Variants in ADAMTSL3 observed in about 807,000 individuals in gnomAD.
ADAMTSL3 encodes ADAMTS like 3, also known as ADAMTS-like protein 3.
ADAMTSL3 carries 128 observed loss-of-function variants against 201.7 expected under a neutral mutation model. The ratio of observed to expected loss-of-function variants is 0.63; its 90% CI spans 0.55 to 0.73. The LOEUF (loss-of-function observed/expected upper bound fraction) is 0.73, where lower values mean the gene tolerates loss of function less well. ADAMTSL3 is among the 30% of genes least tolerant of loss of function. The pLI, the probability that ADAMTSL3 is intolerant of heterozygous loss-of-function variation, is 0.00. For missense variants in ADAMTSL3, 1,990 were observed against 2,119.6 expected (o/e 0.94, Z 1.20); for synonymous variants, 738 against 748.4 (o/e 0.99, Z 0.23).
chr15:83,822,298 G>A (rs1157534989), intron 6 of ADAMTSL3, among the ~76,000 whole-genome samples: 2 of 147,672 alleles, frequency 1.4e-5, no homozygotes, highest in East Asian at 2.1e-4. Flanking sequence ...GCCGGGCGGA[G>A]GGGCTCCTCA....
intron 3 of ADAMTSL3, among the ~76,000 whole-genome samples, chr15:83,741,100 G>A (rs892349733): frequency 1.3e-5 from 2 of 151,848 alleles, no homozygotes; most frequent in African/African-American, 4.8e-5. Context: ...GTATAATACA[G>A]ATACTGAAAC....
At chr15:83,915,583 T>C (rs1183916174) in intron 16 of ADAMTSL3, among the ~76,000 whole-genome samples, 1 of 152,160 alleles carries the variant, frequency 6.6e-6, no homozygotes, top group Non-Finnish European at 1.5e-5. Context: ...ATGTAGTGGT[T>C]TCTAGTTACA....
At chr15:83,921,455 A>G (rs945639010) in intron 16 of ADAMTSL3, among the ~76,000 whole-genome samples, 2 of 152,174 alleles carry the variant, frequency 1.3e-5, no homozygotes, top group African/African-American at 4.8e-5. Flanking sequence ...ATTGGCACAT[A>G]AAAGGCTCTG....
intron 4 of ADAMTSL3, among the ~76,000 whole-genome samples, chr15:83,801,653 T>TAAATAAATAA (rs1555445600): frequency 8.8e-5 from 3 of 34,006 alleles, no homozygotes; most frequent in African/African-American, 2.5e-4. Flanking sequence ...TAAATATAAA[T>TAAATAAATAA]ATATATATAT....
rs752073105 is a variant in ADAMTSL3 at position 83,877,788 on chromosome 15, A to G, written c.960+6829A>G. The stretch of plus-strand genomic sequence containing the variant: ...CAATAATGTTCATAATTTTTACTCT[A>G]TGTCATTAATATCTTTTATTACATT... On this transcript the variant is annotated intron_variant, in intron 9 of 29. Coordinates refer to ENST00000286744, the MANE Select transcript of ADAMTSL3 (RefSeq NM_207517.3). Among the ~76,000 whole-genome samples, 4 of 152,172 alleles carry G rather than the reference A, an allele frequency of 2.6e-5. No homozygotes were observed. The South Asian group carries it at 8.3e-4, about 32-fold the overall frequency.
intron 2 of ADAMTSL3, among the ~76,000 whole-genome samples, chr15:83,695,585 T>A (rs567068027): frequency 1.3e-5 from 2 of 152,184 alleles, no homozygotes; most frequent in South Asian, 2.1e-4. Context: ...TTGGCTGAGG[T>A]GTATCCAGAC....
chr15:83,746,568 A>C (rs919311045), intron 3 of ADAMTSL3, among the ~76,000 whole-genome samples: 1 of 152,152 alleles, frequency 6.6e-6, no homozygotes, highest in Non-Finnish European at 1.5e-5. Context: ...ACTGCGGTCT[A>C]TTGCTCATGT....
intron 8 of ADAMTSL3, among the ~76,000 whole-genome samples, chr15:83,864,854 T>A (rs530536105): frequency 6.6e-6 from 1 of 152,304 alleles, no homozygotes; most frequent in African/African-American, 2.4e-5. Flanking sequence ...TGATTGTATA[T>A]CTAGAAAACC....
intron 13 of ADAMTSL3, among the ~76,000 whole-genome samples, chr15:83,896,391 A>T (rs563726554): frequency 6.6e-6 from 1 of 152,306 alleles, no homozygotes; most frequent in Non-Finnish European, 1.5e-5. Context: ...ATTGAAGAGA[A>T]TGTTTATTTA....
intron 2 of ADAMTSL3, among the ~76,000 whole-genome samples, chr15:83,681,221 A>G (rs1477666340): frequency 6.6e-6 from 1 of 152,214 alleles, no homozygotes; most frequent in African/African-American, 2.4e-5. Flanking sequence ...TTACATATCT[A>G]TCACATTTCT....
At chr15:83,829,150 T>A (rs999687914) in intron 6 of ADAMTSL3, among the ~76,000 whole-genome samples, 9 of 152,246 alleles carry the variant, frequency 5.9e-5, no homozygotes, top group African/African-American at 9.6e-5. Flanking sequence ...TGAATCCATC[T>A]GGTCCTGGAC....
intron 2 of ADAMTSL3, among the ~76,000 whole-genome samples, chr15:83,692,949 T>C (rs2141462094): frequency 6.6e-6 from 1 of 152,264 alleles, no homozygotes; most frequent in Non-Finnish European, 1.5e-5. Flanking sequence ...GAAATAAAGC[T>C]GTAGGGGTGA....
intron 2 of ADAMTSL3, among the ~76,000 whole-genome samples, chr15:83,657,343 C>T (rs977355210): frequency 6.6e-6 from 1 of 152,168 alleles, no homozygotes; most frequent in Non-Finnish European, 1.5e-5. Context: ...TGGATTTTTC[C>T]ATATCTGTGT....
chr15:83,724,964 C>A (rs998066495), intron 3 of ADAMTSL3, among the ~76,000 whole-genome samples: 1 of 151,888 alleles, frequency 6.6e-6, no homozygotes, highest in Non-Finnish European at 1.5e-5. Flanking sequence ...TGTTCATGGA[C>A]CCTTATGTTG....
intron 3 of ADAMTSL3, among the ~76,000 whole-genome samples, chr15:83,736,936 C>T (rs1197805447): frequency 6.6e-6 from 1 of 152,166 alleles, no homozygotes; most frequent in African/African-American, 2.4e-5. Context: ...ACACAATACC[C>T]ACCCTGGAAG....
chr15:83,955,540 T>C (rs1391056411), intron 19 of ADAMTSL3, among the ~76,000 whole-genome samples: 1 of 152,104 alleles, frequency 6.6e-6, no homozygotes, highest in Non-Finnish European at 1.5e-5. Flanking sequence ...GAAGCCAGCA[T>C]ATCTCAAAGT....
intron 2 of ADAMTSL3, among the ~76,000 whole-genome samples, chr15:83,680,091 G>A (rs1289901588): frequency 6.6e-6 from 1 of 152,132 alleles, no homozygotes; most frequent in Admixed American, 6.5e-5. Flanking sequence ...GGGGGTTATT[G>A]TCAAAAAGAT....
At chr15:83,819,654 G>A (rs530008275) in intron 5 of ADAMTSL3, among the ~76,000 whole-genome samples, 157 bp from the exon 6 acceptor site, 5 of 102,050 alleles carry the variant, frequency 4.9e-5, no homozygotes, top group East Asian at 3.7e-4. Context: ...TACATTCAAC[G>A]TTGAATCAAA....
rs377702872 is a variant in ADAMTSL3 at position 83,689,318 on chromosome 15, G to T, written c.70-15071G>T. ...ATGGAACAGTATCAATACCTGTGAA[G>T]CTTCTTGTATGACTTTTCCTTACTC... On this transcript the variant is annotated intron_variant, in intron 2 of 29. Coordinates refer to ENST00000286744, the MANE Select transcript of ADAMTSL3 (RefSeq NM_207517.3). Among the ~76,000 whole-genome samples, 13 of 152,284 alleles carry T rather than the reference G, an allele frequency of 8.5e-5. No individual in the cohort carries two copies. In the East Asian group the frequency reaches 1.9e-3, roughly 23 times the overall value.
Sources: gnomAD v4.1 joint callset for allele counts (sites outside exome capture counted in the v4.1 genomes callset) on GRCh38, gnomAD v4.1.1 for gene constraint, MANE v1.5 for transcripts, NCBI Gene and HGNC (gene_info 2026-07-23, HGNC 2026-07-21) for gene names.